The following PTPRD variants were observed in gnomAD, a reference collection of about 807,000 sequenced individuals.
The protein encoded by PTPRD is protein tyrosine phosphatase receptor type D, also known as receptor-type tyrosine-protein phosphatase delta.
PTPRD carries 34 observed loss-of-function variants against 214.5 expected under a neutral mutation model. That is an observed-to-expected ratio of 0.16 (90% confidence interval 0.12 to 0.21). The LOEUF (loss-of-function observed/expected upper bound fraction) is 0.21. Ranked by LOEUF, PTPRD falls within the 10% of genes least tolerant of loss-of-function variation. The pLI is 1.00. For synonymous variants in PTPRD, 1,128 were observed against 845.7 expected, an observed-to-expected ratio of 1.33 and a Z score of -5.79; for missense variants, 2,545 against 2,398.7, an observed-to-expected ratio of 1.06 and a Z score of -1.27.
rs1291539867 is a variant in PTPRD at position 9,578,795 on chromosome 9, T to C, written c.-286-4014A>G. On this transcript the variant is annotated intron_variant, in intron 7 of 45. Coordinates refer to ENST00000381196, the MANE Select transcript of PTPRD (RefSeq NM_002839.4). ...AATAAACTACAAAAAAATCTTACTA[T>C]CAATATGTTGTAAAGTTAAAATTGA... Among the ~76,000 whole-genome samples, 3 of 152,178 alleles carry C rather than the reference T, an allele frequency of 2.0e-5. No individual in the cohort carries two copies. The East Asian group carries it at 5.8e-4, about 29-fold the overall frequency.
At chr9:9,380,546 G>C (rs547546800) in intron 9 of PTPRD, among the ~76,000 whole-genome samples, 2 of 152,192 alleles carry the variant, frequency 1.3e-5, no homozygotes, top group African/African-American at 4.8e-5. Context: ...TATGAAAGCA[G>C]ACATTTCTTA....
chr9:8,862,695 C>G (rs1265391134), intron 11 of PTPRD, among the ~76,000 whole-genome samples: 1 of 152,230 alleles, frequency 6.6e-6, no homozygotes, highest in African/African-American at 2.4e-5. Context: ...AAAAAATACA[C>G]TTTCCTTTTC....
chr9:9,243,772 G>A (rs2099971581), intron 9 of PTPRD, among the ~76,000 whole-genome samples: 1 of 152,124 alleles, frequency 6.6e-6, no homozygotes, highest in East Asian at 1.9e-4. Flanking sequence ...TCAACATAGT[G>A]TTGGAAGTTC....
In PTPRD at chr9:9,093,400, A is replaced by G. The variant is rs539389420; in HGVS notation, c.-142-74665T>C. 9.9e-5 allele frequency among the ~76,000 whole-genome samples: 15 copies of G among 152,204 alleles called. No individual in the cohort carries two copies. In the South Asian group the frequency reaches 2.9e-3, roughly 29 times the overall value. On this transcript the variant is annotated intron_variant, in intron 10 of 45. Coordinates refer to ENST00000381196, the MANE Select transcript of PTPRD (RefSeq NM_002839.4). ...ACTACATAGTTTATTCAAATGCCCA[A>G]GAAATATTCACCATGATAAACCATA... is the stretch of plus-strand genomic sequence containing the variant.
rs186593984 is a variant in PTPRD, at chr9:10,332,872, C to T, written c.-545+8091G>A. Among the ~76,000 whole-genome samples the T allele has an allele frequency of 2.6e-5, 4 of 151,916 alleles. No individual in the cohort carries two copies. In the South Asian group the frequency reaches 6.2e-4, roughly 24 times the overall value. ...CTAAGCACCTGATTAAAAGATGCAG[C>T]CCCCTAACTTTTGATTTCCCTTTCC... On this transcript the variant is annotated intron_variant, in intron 3 of 45. Transcript: ENST00000381196.
At chr9:9,861,166 A>G (rs1044081767) in intron 5 of PTPRD, among the ~76,000 whole-genome samples, 25 of 152,228 alleles carry the variant, frequency 1.6e-4, no homozygotes, top group African/African-American at 5.8e-4. Context: ...CCACATTTCT[A>G]TCACATGAGT....
intron 3 of PTPRD, among the ~76,000 whole-genome samples, chr9:10,063,990 A>T (rs1807571502): frequency 6.6e-6 from 1 of 151,854 alleles, no homozygotes; most frequent in Admixed American, 6.6e-5. Flanking sequence ...AACACACCAA[A>T]TGTGTTCCCT....
intron 2 of PTPRD, among the ~76,000 whole-genome samples, chr9:10,402,093 G>C (rs2098278553): frequency 6.6e-6 from 1 of 151,554 alleles, no homozygotes; most frequent in African/African-American, 2.4e-5. Flanking sequence ...AAAATCAAAA[G>C]AAAAAGGGTA....
intron 11 of PTPRD, among the ~76,000 whole-genome samples, chr9:8,873,080 C>T (rs1432205179): frequency 1.3e-5 from 2 of 152,162 alleles, no homozygotes; most frequent in Non-Finnish European, 2.9e-5. Flanking sequence ...GCGATATGCC[C>T]TGAGACTTCT....
intron 2 of PTPRD, among the ~76,000 whole-genome samples, chr9:10,449,538 C>G (rs1027969796): frequency 6.6e-6 from 1 of 151,306 alleles, no homozygotes; most frequent in Non-Finnish European, 1.5e-5. Context: ...CCCAGCCACC[C>G]AGTCTGGGAA....
chr9:9,069,503 G>A (rs1389818628), intron 10 of PTPRD, among the ~76,000 whole-genome samples: 2 of 152,172 alleles, frequency 1.3e-5, no homozygotes, highest in Non-Finnish European at 2.9e-5. Context: ...AATGTAGTGA[G>A]CACAGACTCA....
chr9:9,353,637 T>A (rs2052414427), intron 9 of PTPRD, among the ~76,000 whole-genome samples: 1 of 151,248 alleles, frequency 6.6e-6, no homozygotes, highest in African/African-American at 2.4e-5. Flanking sequence ...AAAAAAAAAA[T>A]CCTGCTTCTG....
intron 10 of PTPRD, among the ~76,000 whole-genome samples, chr9:9,082,467 G>T (rs1043051838): frequency 9.2e-5 from 14 of 151,564 alleles, no homozygotes; most frequent in Admixed American, 9.2e-4. Context: ...AACAATAAGA[G>T]GTATTTATGA....
At chr9:10,555,368 C>G (rs896502320) in intron 2 of PTPRD, among the ~76,000 whole-genome samples, 1 of 152,154 alleles carries the variant, frequency 6.6e-6, no homozygotes, top group Non-Finnish European at 1.5e-5. Flanking sequence ...AAATGGTTAT[C>G]TTACTTCAAA....
intron 14 of PTPRD, among the ~76,000 whole-genome samples, chr9:8,564,829 T>C (rs1029002786): frequency 2.0e-5 from 3 of 152,166 alleles, no homozygotes; most frequent in African/African-American, 2.4e-5. Flanking sequence ...CATTCACTTA[T>C]TGGAGGGAAG....
intron 44 of PTPRD, among the ~76,000 whole-genome samples, chr9:8,328,592 T>G (rs201125207): frequency 2.6e-5 from 3 of 117,556 alleles, no homozygotes; most frequent in African/African-American, 1.3e-4. Flanking sequence ...GGGAAGTTCT[T>G]CTGGATAATA....
chr9:8,780,921 G>A (rs546045116), intron 11 of PTPRD, among the ~76,000 whole-genome samples: 34 of 152,318 alleles, frequency 2.2e-4, no homozygotes, highest in Admixed American at 8.5e-4. Flanking sequence ...TCACAGATTT[G>A]CTATTGATCA....
intron 4 of PTPRD, among the ~76,000 whole-genome samples, chr9:10,018,376 T>C (rs2096768213): frequency 6.6e-6 from 1 of 152,152 alleles, no homozygotes; most frequent in African/African-American, 2.4e-5. Flanking sequence ...TCTGTCAGTT[T>C]CAGAGCTTTC....
At chr9:10,460,373 A>C (rs551016013) in intron 2 of PTPRD, among the ~76,000 whole-genome samples, 1 of 152,144 alleles carries the variant, frequency 6.6e-6, no homozygotes, top group South Asian at 2.1e-4. Flanking sequence ...AAAATAGATA[A>C]AAAAACCCTA....
Sources: allele counts gnomAD v4.1 joint callset (sites outside exome capture counted in the v4.1 genomes callset), GRCh38; gene constraint gnomAD v4.1.1; transcripts MANE v1.5; gene names NCBI Gene and HGNC (gene_info 2026-07-23, HGNC 2026-07-21).